Variants in ATL1 observed in about 807,000 individuals in gnomAD.
ATL1 encodes atlastin-1.
Under a neutral mutation model 75.5 loss-of-function variants are expected in ATL1, and 31 were observed. The observed-to-expected ratio is 0.41, with a 90% confidence interval of 0.31 to 0.55. The LOEUF (loss-of-function observed/expected upper bound fraction) is 0.55. Ranked by LOEUF, ATL1 falls within the 20% of genes least tolerant of loss-of-function variation. ATL1 has a pLI of 0.27. For missense variants in ATL1, 405 were observed against 662.6 expected, an observed-to-expected ratio of 0.61 and a Z score of 4.27; for synonymous variants, 226 against 233.3, an observed-to-expected ratio of 0.97 and a Z score of 0.28.
chr14:50,631,194 T>A (rs568215609), intron 13 of ATL1: 1 of 187,552 alleles, frequency 5.3e-6, no homozygotes, highest in African/African-American at 2.4e-5. Context: ...TGGGAGGAGG[T>A]TGCAGTGAGC....
chr14:50,574,931 GTGTGTGTATA>G (rs1361915345), intron 1 of ATL1, among the ~76,000 whole-genome samples: 4,659 of 77,422 alleles, frequency 0.06, 98 homozygotes, highest in Admixed American at 0.086. Context: ...GTGTGTGTGT[GTGTGTGTATA>G]TATATATATA....
intron 1 of ATL1, among the ~76,000 whole-genome samples, chr14:50,545,576 T>C (rs1006479648): frequency 2.0e-5 from 3 of 152,124 alleles, no homozygotes; most frequent in Non-Finnish European, 4.4e-5. Flanking sequence ...GATGTTAAAG[T>C]ACAATAAGAA....
intron 2 of ATL1, among the ~76,000 whole-genome samples, chr14:50,590,030 C>T (rs770737450): frequency 1.1e-4 from 16 of 152,154 alleles, no homozygotes; most frequent in Non-Finnish European, 1.9e-4. Flanking sequence ...ATTTTCCATG[C>T]CTTATCCAAC....
chr14:50,629,593 A>AC (rs1555365944), intron 12 of ATL1, among the ~76,000 whole-genome samples: 1 of 151,940 alleles, frequency 6.6e-6, no homozygotes, highest in Non-Finnish European at 1.5e-5. Context: ...CAAAAAAAAA[A>AC]AAAAAAACCC....
rs575601461 is a variant in ATL1 at position 50,545,041 on chromosome 14, G to A, written c.-140+11674G>A. Among the ~76,000 whole-genome samples, 13 of 152,072 alleles carry A rather than the reference G, an allele frequency of 8.5e-5. No individual in the cohort carries two copies. In the East Asian group the frequency reaches 2.3e-3, roughly 27 times the overall value. On this transcript the variant is annotated intron_variant, in intron 1 of 13. Transcript: ENST00000441560. ...CCACTGCTTGAACTCGGAAGGCCAGGCTGTGAGCCAAGGCCATGATGTCCA... is the reference window on the plus strand; with the variant it reads ...CCACTGCTTGAACTCGGAAGGCCAGACTGTGAGCCAAGGCCATGATGTCCA...
chr14:50,600,951 G>GA (rs200088825), intron 6 of ATL1, among the ~76,000 whole-genome samples: 36 of 151,704 alleles, frequency 2.4e-4, no homozygotes, highest in African/African-American at 8.2e-4. Context: ...AAAAGTGAAA[G>GA]AAAAAAAATC....
intron 6 of ATL1, among the ~76,000 whole-genome samples, chr14:50,610,029 A>G (rs973872165): frequency 1.3e-5 from 2 of 151,874 alleles, no homozygotes; most frequent in Admixed American, 1.3e-4. Flanking sequence ...TGCCCCACAG[A>G]TTATGTAAGC....
chr14:50,583,590 A>T (rs1169515852), intron 1 of ATL1, among the ~76,000 whole-genome samples: 2 of 152,248 alleles, frequency 1.3e-5, no homozygotes, highest in African/African-American at 4.8e-5. Context: ...GGAGAGCTAG[A>T]TCATGTTAAT....
chr14:50,597,220 C>CAAA (rs372066395), intron 6 of ATL1, among the ~76,000 whole-genome samples: 2,888 of 108,356 alleles, frequency 0.027, 154 homozygotes, highest in African/African-American at 0.099. Flanking sequence ...AAAAAACAAA[C>CAAA]AAAAAAAAAA....
intron 1 of ATL1, 90 bp downstream of exon 1, chr14:50,560,389 T>G: frequency 6.6e-7 from 1 of 1,513,104 alleles, no homozygotes; most frequent in Non-Finnish European, 9.0e-7. Context: ...GGCCAAGGGC[T>G]GCTAGGTGCC....
intron 1 of ATL1, among the ~76,000 whole-genome samples, chr14:50,583,253 T>C (rs1248136659): frequency 6.6e-6 from 1 of 152,138 alleles, no homozygotes; most frequent in Non-Finnish European, 1.5e-5. Flanking sequence ...AGAAAAGACA[T>C]ACATAAAGAT....
chr14:50,588,507 C>T (rs1020012324), intron 2 of ATL1, among the ~76,000 whole-genome samples: 3 of 152,144 alleles, frequency 2.0e-5, no homozygotes, highest in African/African-American at 7.2e-5. Context: ...CTACCATTAA[C>T]ATTAGTATTC....
chr14:50,569,002 A>G (rs1373685482), intron 1 of ATL1, among the ~76,000 whole-genome samples: 4 of 152,136 alleles, frequency 2.6e-5, no homozygotes, highest in African/African-American at 9.7e-5. Context: ...GTATCATAAA[A>G]GTATACATAT....
chr14:50,540,411 A>G (rs1332293916), intron 1 of ATL1, among the ~76,000 whole-genome samples: 3 of 152,166 alleles, frequency 2.0e-5, no homozygotes, highest in Non-Finnish European at 4.4e-5. Context: ...CCAATTCACA[A>G]ACCTGGAGTC....
At chr14:50,595,019 AG>A (rs1214336218) in intron 5 of ATL1, among the ~76,000 whole-genome samples, 7 of 151,510 alleles carry the variant, frequency 4.6e-5, no homozygotes, top group African/African-American at 1.5e-4. Flanking sequence ...AAAACAAAAA[AG>A]AAAAAAAAAA....
At chr14:50,614,573 T>A (rs935052323) in intron 8 of ATL1, 62 bp downstream of exon 8, 1 of 1,553,006 alleles carries the variant, frequency 6.4e-7, no homozygotes, top group Non-Finnish European at 8.8e-7. Context: ...TGTCATTTTA[T>A]CTATTGGGCT....
At chr14:50,576,773 T>C (rs2039009483) in intron 1 of ATL1, among the ~76,000 whole-genome samples, 1 of 152,146 alleles carries the variant, frequency 6.6e-6, no homozygotes, top group Non-Finnish European at 1.5e-5. Flanking sequence ...GATGGCACCT[T>C]GCTGTGTTGC....
Position 50,620,719 on chromosome 14 carries a change from A to C in ATL1, c.983A>C (p.Tyr328Ser). ...ATCACCTGCCGGGGTCTGGTGGAGT[A>C]CTTCAAGGTATCACTCTCATTTCTA... Reference protein sequence around the residue: ...NKITCRGLVEYFKAYIKIYQG... With the variant: ...NKITCRGLVESFKAYIKIYQG... Residue 328 changes from tyrosine to serine, a missense_variant, in exon 9 of 14, where the codon TAC (tyrosine) becomes TCC (serine). Tyr to Ser is a moderately radical substitution (Grantham distance 144). Coordinates refer to ENST00000358385, the MANE Select transcript of ATL1 (RefSeq NM_015915.5). 1 of 1,613,426 alleles carries C rather than the reference A, an allele frequency of 6.2e-7. No homozygotes were observed. The highest frequency in any genetic ancestry group is 8.5e-7 in the Non-Finnish European group (1 of 1,179,488).
intron 11 of ATL1, among the ~76,000 whole-genome samples, chr14:50,625,513 GAGGT>G (rs2039509614): frequency 6.6e-6 from 1 of 152,208 alleles, no homozygotes; most frequent in African/African-American, 2.4e-5. Flanking sequence ...CTAGAGAGGA[GAGGT>G]CAATGCCTGG....
Sources: gnomAD v4.1 joint callset for allele counts (sites outside exome capture counted in the v4.1 genomes callset) on GRCh38, gnomAD v4.1.1 for gene constraint, MANE v1.5 for transcripts, NCBI Gene and HGNC (gene_info 2026-07-23, HGNC 2026-07-21) for gene names.